Variants in TMEM232 observed in about 807,000 individuals in gnomAD.
The protein encoded by TMEM232 is transmembrane protein 232.
TMEM232 carries 80 observed loss-of-function variants against 78.8 expected under a neutral mutation model. That is an observed-to-expected ratio of 1.01 (90% CI 0.85 to 1.22). The LOEUF (loss-of-function observed/expected upper bound fraction) is 1.22. TMEM232 is among the 50% of genes most tolerant of loss of function. The pLI is 0.00. For synonymous variants in TMEM232, 297 were observed against 254.3 expected (o/e 1.17, Z -1.60); for missense variants, 881 against 742.2 (o/e 1.19, Z -2.17).
chr5:110,427,669 T>C lies in TMEM232; in HGVS notation c.1704-2753A>G, dbSNP rs141438680. Among the ~76,000 whole-genome samples the C allele has an allele frequency of 5.1e-3, 771 of 151,718 alleles. 9 individuals are homozygous for C. Among genetic ancestry groups the C allele is most frequent in the African/African-American group, 0.018 (741 of 41,456 alleles). On this transcript the variant is annotated intron_variant, in intron 12 of 13. Transcript: ENST00000455884. Reference sequence around the variant, plus strand: ...AGCAGTCTTGGATACTCCAGAAGCTTTGGGGAAAAATTTATTCCTTGCCGC... The same window carrying C: ...AGCAGTCTTGGATACTCCAGAAGCTCTGGGGAAAAATTTATTCCTTGCCGC...
chr5:110,569,329 A>C (rs1445845009), intron 10 of TMEM232, among the ~76,000 whole-genome samples: 4 of 151,908 alleles, frequency 2.6e-5, no homozygotes, highest in Admixed American at 2.6e-4. Context: ...TACTCTTTAT[A>C]GTAATTATTT....
At chr5:110,450,135 C>G (rs929058301) in intron 12 of TMEM232, among the ~76,000 whole-genome samples, 2 of 152,148 alleles carry the variant, frequency 1.3e-5, no homozygotes, top group African/African-American at 4.8e-5. Flanking sequence ...TGCCCCTTCA[C>G]ACTTCCACCA....
intron 10 of TMEM232, among the ~76,000 whole-genome samples, chr5:110,587,677 A>G (rs1561743390): frequency 1.0e-5 from 1 of 96,606 alleles, no homozygotes; most frequent in African/African-American, 5.1e-5. Context: ...ATATATATAT[A>G]TATATATATA....
intron 10 of TMEM232, among the ~76,000 whole-genome samples, chr5:110,587,059 T>C (rs1340807339): frequency 1.3e-5 from 2 of 152,040 alleles, no homozygotes; most frequent in African/African-American, 4.8e-5. Flanking sequence ...ATTAGACAAA[T>C]GTAACTAAAA....
intron 10 of TMEM232, among the ~76,000 whole-genome samples, chr5:110,592,343 T>C (rs1779631521): frequency 6.6e-6 from 1 of 152,158 alleles, no homozygotes; most frequent in Admixed American, 6.6e-5. Context: ...CAATCATTTC[T>C]CACGAGAAAC....
intron 1 of TMEM232, among the ~76,000 whole-genome samples, chr5:110,704,135 G>C (rs1228027713): frequency 6.6e-6 from 1 of 152,056 alleles, no homozygotes; most frequent in Non-Finnish European, 1.5e-5. Flanking sequence ...ACAGTGCACT[G>C]CTGAGCAATA....
chr5:110,496,406 C>T (rs1765650044), intron 12 of TMEM232, among the ~76,000 whole-genome samples: 1 of 151,892 alleles, frequency 6.6e-6, no homozygotes, highest in Admixed American at 6.6e-5. Flanking sequence ...ACGTAATTTT[C>T]ATATCTGTAA....
At chr5:110,712,799 C>T (rs1277039671) in intron 1 of TMEM232, among the ~76,000 whole-genome samples, 3 of 152,104 alleles carry the variant, frequency 2.0e-5, no homozygotes, top group African/African-American at 7.2e-5. Flanking sequence ...GCCCACCATA[C>T]CTTGTTGGTG....
chr5:110,559,764 G>A (rs1030947627), intron 11 of TMEM232, among the ~76,000 whole-genome samples: 7 of 152,118 alleles, frequency 4.6e-5, no homozygotes, highest in Admixed American at 1.3e-4. Flanking sequence ...AGTTTATCAT[G>A]TCACAGTTCT....
At position 110,669,803 on chromosome 5, in the gene TMEM232, A is replaced by C. The variant is rs369098541; in HGVS notation, c.-12-2439T>G. On this transcript the variant is annotated intron_variant, in intron 1 of 13. Transcript: ENST00000455884. ...CCACCATGATCAAGTGGGCTTCATC[A>C]CTGGGATGCAAGGCTGGTTCAATAT... Among the ~76,000 whole-genome samples, 1,066 of 151,572 alleles carry C rather than the reference A, an allele frequency of 7.0e-3. 17 individuals carry two copies. Among genetic ancestry groups the C allele is most frequent in the African/African-American group, 0.024 (1,013 of 41,420 alleles).
chr5:110,684,785 T>C (rs780282585), intron 1 of TMEM232: 3 of 152,136 alleles, frequency 2.0e-5, no homozygotes, highest in Admixed American at 6.6e-5. Flanking sequence ...TATCTCTCTC[T>C]TGTTTTTTCT....
intron 2 of TMEM232, among the ~76,000 whole-genome samples, chr5:110,656,587 C>G (rs966769459): frequency 2.6e-5 from 4 of 152,186 alleles, no homozygotes; most frequent in Admixed American, 6.5e-5. Flanking sequence ...CGCCTATAAT[C>G]CCAGCACTTT....
intron 1 of TMEM232, among the ~76,000 whole-genome samples, chr5:110,722,564 C>G (rs1797753202): frequency 1.3e-5 from 2 of 152,210 alleles, no homozygotes; most frequent in African/African-American, 4.8e-5. Flanking sequence ...CCTGTGTGCT[C>G]TCATGGAGGC....
At chr5:110,427,713 G>A (rs550131834) in intron 12 of TMEM232, among the ~76,000 whole-genome samples, 1 of 151,974 alleles carries the variant, frequency 6.6e-6, no homozygotes, top group South Asian at 2.1e-4. Flanking sequence ...TCTAGTGGCT[G>A]TTGGTTCTTT....
At chr5:110,526,965 T>A (rs981633192) in intron 12 of TMEM232, among the ~76,000 whole-genome samples, 1 of 151,874 alleles carries the variant, frequency 6.6e-6, no homozygotes, top group Non-Finnish European at 1.5e-5. Flanking sequence ...AATATTATGT[T>A]TACTATGCTA....
intron 1 of TMEM232, among the ~76,000 whole-genome samples, chr5:110,703,798 T>C (rs1795664704): frequency 6.6e-6 from 1 of 152,084 alleles, no homozygotes. Flanking sequence ...AATATTTTTA[T>C]TGTGTAAACC....
chr5:110,492,216 A>T (rs777133119), intron 12 of TMEM232, among the ~76,000 whole-genome samples: 6 of 151,570 alleles, frequency 4.0e-5, no homozygotes, highest in Admixed American at 1.3e-4. Flanking sequence ...TAATAAAATT[A>T]AAAAAAGAAT....
intron 12 of TMEM232, among the ~76,000 whole-genome samples, chr5:110,462,747 A>T (rs1761672655): frequency 6.6e-6 from 1 of 152,140 alleles, no homozygotes; most frequent in African/African-American, 2.4e-5. Context: ...TTATATATAC[A>T]TCTATCCTAT....
At chr5:110,649,730 T>A (rs1021535660) in intron 2 of TMEM232, among the ~76,000 whole-genome samples, 3 of 152,140 alleles carry the variant, frequency 2.0e-5, no homozygotes, top group Admixed American at 1.3e-4. Flanking sequence ...GGGCCTTACA[T>A]TCATTTTTAT....
Sources: allele counts gnomAD v4.1 joint callset (sites outside exome capture counted in the v4.1 genomes callset), GRCh38; gene constraint gnomAD v4.1.1; transcripts MANE v1.5; gene names NCBI Gene and HGNC (gene_info 2026-07-23, HGNC 2026-07-21).